The following PUDP variants were observed in gnomAD, a reference collection of about 807,000 sequenced individuals.
PUDP encodes the protein pseudouridine 5'-phosphatase, also known as pseudouridine-5'-phosphatase.
Under a neutral mutation model 9.4 loss-of-function variants are expected in PUDP, and 8 were observed. The observed-to-expected ratio is 0.85, with a 90% CI of 0.50 to 1.53. The LOEUF is 1.53. Ranked by LOEUF, PUDP falls within the 40% of genes most tolerant of loss-of-function variation. The pLI is 0.00. For missense variants in PUDP, 188 were observed against 189.7 expected, an observed-to-expected ratio of 0.99 and a Z score of 0.05; for synonymous variants, 99 against 80.7, an observed-to-expected ratio of 1.23 and a Z score of -1.22.
intron 3 of PUDP, among the ~76,000 whole-genome samples, chrX:6,868,245 C>T (rs943995607): frequency 1.1e-4 from 12 of 111,747 alleles, no homozygotes; most frequent in Non-Finnish European, 1.7e-4. Context: ...AAATATAAAA[C>T]GTAATGAAGT....
At chrX:6,871,052 G>A (rs1266166109) in intron 3 of PUDP, among the ~76,000 whole-genome samples, 1 of 111,918 alleles carries the variant, frequency 8.9e-6, no homozygotes, top group Admixed American at 9.5e-5. Flanking sequence ...GCCCAAGCTG[G>A]TCTCAAACTT....
intron 1 of PUDP, among the ~76,000 whole-genome samples, chrX:6,992,788 C>T (rs1036957744): frequency 9.0e-6 from 1 of 111,603 alleles, no homozygotes; most frequent in African/African-American, 3.3e-5. Context: ...AGGAGATTAA[C>T]ATTTGAGTCA....
chrX:6,852,788 T>A (rs759560515), intron 3 of PUDP, among the ~76,000 whole-genome samples: 51 of 111,993 alleles, frequency 4.6e-4, no homozygotes, highest in Non-Finnish European at 6.2e-4. Context: ...AGTCTCTCAT[T>A]GTGAGGTATC....
chrX:7,102,317 C>CAAAAAAAAA (rs201420593), intron 2 of PUDP, among the ~76,000 whole-genome samples: 2 of 56,630 alleles, frequency 3.5e-5, no homozygotes, highest in East Asian at 5.7e-4. Flanking sequence ...AATAAGGAAC[C>CAAAAAAAAA]AAAAAAAAAA....
chrX:6,710,653 T>C (rs1311726930), intron 1 of PUDP, among the ~76,000 whole-genome samples: 1 of 112,155 alleles, frequency 8.9e-6, no homozygotes, highest in East Asian at 2.8e-4. Flanking sequence ...GTGGTGGATG[T>C]CAGACGTGCC....
chrX:7,055,508 G>A (rs897124505), intron 3 of PUDP, among the ~76,000 whole-genome samples: 14 of 111,031 alleles, frequency 1.3e-4, no homozygotes, highest in African/African-American at 3.3e-4. Flanking sequence ...CACCCATCTC[G>A]GCCTCTCAGA....
At chrX:6,987,924 G>A (rs886412837) in intron 1 of PUDP, among the ~76,000 whole-genome samples, 1 of 111,585 alleles carries the variant, frequency 9.0e-6, no homozygotes, top group Non-Finnish European at 1.9e-5. Flanking sequence ...TAGGTATTAC[G>A]ATCTCCATTC....
chrX:7,019,310 T>C (rs1041689968), intron 1 of PUDP, among the ~76,000 whole-genome samples: 3 of 112,211 alleles, frequency 2.7e-5, no homozygotes, highest in Non-Finnish European at 3.8e-5. Flanking sequence ...AAGGCAGCTG[T>C]TATGTTTATC....
chrX:7,071,800 A>G (rs6639767), intron 3 of PUDP, among the ~76,000 whole-genome samples: 8 of 106,346 alleles, frequency 7.5e-5, no homozygotes, highest in African/African-American at 2.8e-4. Context: ...CCTTTGAGAC[A>G]GAGTCTTGCT....
At chrX:6,790,159 A>G (rs779074426) in intron 3 of PUDP, among the ~76,000 whole-genome samples, 1 of 111,866 alleles carries the variant, frequency 8.9e-6, no homozygotes, top group Non-Finnish European at 1.9e-5. Flanking sequence ...GTAGATAGAG[A>G]AGGAAGACAG....
At chrX:6,919,858 C>CAAAAAAAAAAAAAAAAAAAAAAAAA (rs58441346) in intron 3 of PUDP, among the ~76,000 whole-genome samples, 1 of 26,501 alleles carries the variant, frequency 3.8e-5, no homozygotes, top group Non-Finnish European at 6.7e-5. Flanking sequence ...GACTCCATCT[C>CAAAAAAAAAAAAAAAAAAAAAAAAA]AAAAAAAAAA....
At chrX:6,814,142 G>A (rs1313484050) in intron 3 of PUDP, among the ~76,000 whole-genome samples, 1 of 111,067 alleles carries the variant, frequency 9.0e-6, no homozygotes, top group African/African-American at 3.3e-5. Flanking sequence ...GAAAACATCA[G>A]CCCACATTGT....
At chrX:6,715,930 GAGGCCAGGGGT>G (rs1924593880) in intron 1 of PUDP, among the ~76,000 whole-genome samples, 1 of 111,471 alleles carries the variant, frequency 9.0e-6, no homozygotes, top group Admixed American at 9.6e-5. Context: ...ACCCAGGTGA[GAGGCCAGGGGT>G]AGGGACCAGG....
intron 3 of PUDP, among the ~76,000 whole-genome samples, chrX:6,850,539 C>T (rs917842904): frequency 2.7e-5 from 3 of 112,283 alleles, no homozygotes; most frequent in Non-Finnish European, 3.8e-5. Context: ...ATCTCAACTG[C>T]GCAGGCAGCA....
intron 1 of PUDP, among the ~76,000 whole-genome samples, chrX:7,129,923 A>G (rs1412652510): frequency 4.5e-5 from 5 of 111,711 alleles, no homozygotes; most frequent in Non-Finnish European, 9.4e-5. Context: ...ATAAAACTAC[A>G]TACTAGAATA....
intron 3 of PUDP, among the ~76,000 whole-genome samples, chrX:6,918,071 C>T (rs760384482): frequency 2.7e-5 from 3 of 112,114 alleles, no homozygotes; most frequent in East Asian, 5.6e-4. Context: ...GCCTCCATAA[C>T]ATTTCCTGCT....
intron 1 of PUDP, among the ~76,000 whole-genome samples, chrX:7,043,382 T>C (rs1165757587): frequency 9.0e-6 from 1 of 110,896 alleles, no homozygotes; most frequent in African/African-American, 3.3e-5. Context: ...TTCTCTTGCT[T>C]CTTCTCTCTC....
At chrX:7,037,500 A>T (rs1215025390) in intron 1 of PUDP, among the ~76,000 whole-genome samples, 6 of 111,764 alleles carry the variant, frequency 5.4e-5, no homozygotes, top group African/African-American at 1.6e-4. Context: ...GTGCCACCCA[A>T]CCACTTTGGA....
At chrX:7,070,017 C>T (rs1930680403) in intron 3 of PUDP, among the ~76,000 whole-genome samples, 1 of 112,204 alleles carries the variant, frequency 8.9e-6, no homozygotes, top group Non-Finnish European at 1.9e-5. Context: ...TGAACTCCTT[C>T]GTTGTATGTA....
Sources: allele counts gnomAD v4.1 joint callset (sites outside exome capture counted in the v4.1 genomes callset), GRCh38; gene constraint gnomAD v4.1.1; transcripts MANE v1.5; gene names NCBI Gene and HGNC (gene_info 2026-07-23, HGNC 2026-07-21).